Variants in ADAMTSL1 observed in about 807,000 individuals in gnomAD.
ADAMTSL1 encodes ADAMTS like 1, also known as ADAMTS-like protein 1.
A neutral mutation model predicts 201.8 loss-of-function variants in ADAMTSL1; 126 were observed. The ratio of observed to expected loss-of-function variants is 0.62; its 90% CI spans 0.54 to 0.72. The LOEUF (loss-of-function observed/expected upper bound fraction) is 0.72, where lower values mean the gene tolerates loss of function less well. Ranked by LOEUF, ADAMTSL1 falls within the 30% of genes least tolerant of loss-of-function variation. The pLI is 0.00. For synonymous variants in ADAMTSL1, 1,121 were observed against 903.4 expected, an observed-to-expected ratio of 1.24 and a Z score of -4.32; for missense variants, 2,679 against 2,277.8, an observed-to-expected ratio of 1.18 and a Z score of -3.59.
At chr9:18,287,406 CAT>C (rs1415613025) in intron 2 of ADAMTSL1, among the ~76,000 whole-genome samples, 3 of 151,462 alleles carry the variant, frequency 2.0e-5, no homozygotes, top group Non-Finnish European at 4.4e-5. Context: ...TGCACATACA[CAT>C]ATATTTATAT....
intron 1 of ADAMTSL1, among the ~76,000 whole-genome samples, chr9:18,122,490 C>A (rs187580339): frequency 3.9e-4 from 60 of 152,168 alleles, no homozygotes; most frequent in Non-Finnish European, 6.0e-4. Flanking sequence ...GAAATGACAG[C>A]CTTATGGTGA....
chr9:18,461,503 C>G (rs1051074739), intron 2 of ADAMTSL1, among the ~76,000 whole-genome samples: 2 of 152,064 alleles, frequency 1.3e-5, no homozygotes, highest in African/African-American at 4.8e-5. Context: ...GGTTGATAGA[C>G]ATGTTCAATA....
At chr9:18,453,842 G>A (rs571300041) in intron 2 of ADAMTSL1, among the ~76,000 whole-genome samples, 3 of 152,276 alleles carry the variant, frequency 2.0e-5, no homozygotes, top group African/African-American at 7.2e-5. Flanking sequence ...ATTAGAAGCA[G>A]AGTCCTTAGC....
rs527383989 is a variant in ADAMTSL1 at position 17,928,289 on chromosome 9, G to A, written c.87+21367G>A. Among the ~76,000 whole-genome samples, 29 of 152,220 alleles carry A rather than the reference G, an allele frequency of 1.9e-4. No individual in the cohort carries two copies. The Middle Eastern group carries it at 0.017, about 89-fold the overall frequency. On this transcript the variant is annotated intron_variant, in intron 1 of 29. Coordinates refer to the ADAMTSL1 transcript ENST00000680146. ...GCTGGGATTACAGATGTTAGCCACT[G>A]AACCTAGTTCTTTTTCTGTATACAA... is the stretch of plus-strand genomic sequence containing the variant.
chr9:18,898,183 C>T (rs117059175), intron 26 of ADAMTSL1, among the ~76,000 whole-genome samples: 5,030 of 152,026 alleles, frequency 0.033, 117 homozygotes, highest in Non-Finnish European at 0.054. Flanking sequence ...AGCGAGACTC[C>T]GTCTCAAAAA....
chr9:18,343,787 C>T lies in ADAMTSL1; in HGVS notation c.208-161042C>T, dbSNP rs546567195. Among the ~76,000 whole-genome samples, 6 of 152,110 alleles carry T rather than the reference C, an allele frequency of 3.9e-5. 1 individual carries two copies. Among genetic ancestry groups the T allele is most frequent in the African/African-American group, 1.4e-4 (6 of 41,512 alleles). On this transcript the variant is annotated intron_variant, in intron 2 of 29. Transcript: ENST00000680146. ...TGATGCATTGATCTGGCTTAGGGTC[C>T]CTGGGCATTTGTGCTTAAAGAATTC...
chr9:18,711,482 G>A (rs1267035896), intron 14 of ADAMTSL1, among the ~76,000 whole-genome samples: 2 of 152,250 alleles, frequency 1.3e-5, no homozygotes, highest in Non-Finnish European at 2.9e-5. Context: ...AGAAAGGGGT[G>A]ACAGACGGCA....
At chr9:18,437,496 G>A (rs1819792263) in intron 2 of ADAMTSL1, among the ~76,000 whole-genome samples, 2 of 151,934 alleles carry the variant, frequency 1.3e-5, no homozygotes, top group African/African-American at 2.4e-5. Flanking sequence ...CTGCTACAGG[G>A]CCAAGTCTGA....
intron 1 of ADAMTSL1, among the ~76,000 whole-genome samples, chr9:17,981,773 T>C (rs1002545300): frequency 1.3e-4 from 20 of 152,204 alleles, no homozygotes; most frequent in African/African-American, 4.8e-4. Context: ...GTACTTTTCT[T>C]GCTTTACCCC....
At chr9:18,158,411 C>T (rs566613853) in intron 1 of ADAMTSL1, among the ~76,000 whole-genome samples, 4 of 151,550 alleles carry the variant, frequency 2.6e-5, no homozygotes, top group Non-Finnish European at 5.9e-5. Context: ...TTGAATATTC[C>T]AACCAGGAAT....
intron 2 of ADAMTSL1, among the ~76,000 whole-genome samples, chr9:18,289,696 A>C (rs1833173498): frequency 6.6e-6 from 1 of 152,178 alleles, no homozygotes; most frequent in Admixed American, 6.5e-5. Flanking sequence ...GGATGACAAA[A>C]TGATCTTTTT....
intron 21 of ADAMTSL1, 36 bp from the exon 22 acceptor site, chr9:18,826,248 T>G: frequency 1.9e-6 from 3 of 1,543,156 alleles, no homozygotes; most frequent in Non-Finnish European, 1.7e-6. Context: ...GTTTGACTGA[T>G]GAGTGGGGTT....
intron 1 of ADAMTSL1, among the ~76,000 whole-genome samples, chr9:18,111,632 C>A (rs947934704): frequency 2.6e-5 from 4 of 152,132 alleles, no homozygotes; most frequent in African/African-American, 7.2e-5. Context: ...TTTTGGAGTC[C>A]ACTTTAGACT....
At chr9:18,770,212 G>T (rs1447802764) in intron 16 of ADAMTSL1, among the ~76,000 whole-genome samples, 1 of 152,186 alleles carries the variant, frequency 6.6e-6, no homozygotes, top group Non-Finnish European at 1.5e-5. Flanking sequence ...GATGGCGGGA[G>T]CTCTCTCCTG....
chr9:18,000,949 T>A (rs1357002754), intron 1 of ADAMTSL1, among the ~76,000 whole-genome samples: 2 of 152,048 alleles, frequency 1.3e-5, no homozygotes, highest in Non-Finnish European at 2.9e-5. Context: ...CTTGGGGCAC[T>A]ATCCCATCCC....
chr9:18,796,782 T>G (rs1822454373), intron 20 of ADAMTSL1: 1 of 152,226 alleles, frequency 6.6e-6, no homozygotes, highest in Admixed American at 6.5e-5. Context: ...GTTGCAATCT[T>G]TATTCCCCTC....
chr9:18,800,134 TG>T (rs1295172154), intron 20 of ADAMTSL1, among the ~76,000 whole-genome samples: 1 of 151,988 alleles, frequency 6.6e-6, no homozygotes, highest in East Asian at 1.9e-4. Context: ...CCCAGCACTT[TG>T]GGAGGCTGAG....
At chr9:18,418,654 A>T (rs1818801254) in intron 2 of ADAMTSL1, among the ~76,000 whole-genome samples, 1 of 152,228 alleles carries the variant, frequency 6.6e-6, no homozygotes, top group Admixed American at 6.5e-5. Flanking sequence ...TGGGATCTGC[A>T]TGCCAAAAAC....
At chr9:18,058,933 G>C (rs1404786814) in intron 1 of ADAMTSL1, among the ~76,000 whole-genome samples, 1 of 152,092 alleles carries the variant, frequency 6.6e-6, no homozygotes, top group African/African-American at 2.4e-5. Flanking sequence ...TGCAGTACTT[G>C]GAAATTTCAT....
Sources: allele counts gnomAD v4.1 joint callset (sites outside exome capture counted in the v4.1 genomes callset), GRCh38; gene constraint gnomAD v4.1.1; transcripts MANE v1.5; gene names NCBI Gene and HGNC (gene_info 2026-07-23, HGNC 2026-07-21).